The following GRID2 variants were observed in gnomAD, a reference collection of about 807,000 sequenced individuals.
The protein encoded by GRID2 is glutamate ionotropic receptor delta type subunit 2.
GRID2 carries 33 observed loss-of-function variants against 114.8 expected under a neutral mutation model. That is an observed-to-expected ratio of 0.29 (90% CI 0.22 to 0.38). The LOEUF (loss-of-function observed/expected upper bound fraction) is 0.38. Among genes scored for constraint, GRID2 ranks in the 10% least tolerant of loss-of-function variants. GRID2 has a pLI of 1.00. For missense variants in GRID2, 1,184 were observed against 1,257.7 expected, an observed-to-expected ratio of 0.94 and a Z score of 0.89; for synonymous variants, 505 against 449.9, an observed-to-expected ratio of 1.12 and a Z score of -1.55.
chr4:93,626,968 G>A (rs556226274), intron 14 of GRID2, among the ~76,000 whole-genome samples: 1 of 152,244 alleles, frequency 6.6e-6, no homozygotes, highest in South Asian at 2.1e-4. Context: ...TGGAAATCAA[G>A]GAGATAACTT....
intron 14 of GRID2, among the ~76,000 whole-genome samples, chr4:93,668,654 G>T (rs1279231313): frequency 6.6e-6 from 1 of 152,044 alleles, no homozygotes; most frequent in South Asian, 2.1e-4. Flanking sequence ...GCAATTATTA[G>T]GATTTTATTC....
At chr4:92,812,629 T>C (rs1165917936) in intron 2 of GRID2, among the ~76,000 whole-genome samples, 1 of 152,124 alleles carries the variant, frequency 6.6e-6, no homozygotes, top group Non-Finnish European at 1.5e-5. Context: ...ATTTTTGTTT[T>C]CTTATCCAAG....
chr4:93,697,904 A>T (rs1727183808), intron 14 of GRID2, among the ~76,000 whole-genome samples: 1 of 85,196 alleles, frequency 1.2e-5, no homozygotes, highest in African/African-American at 4.1e-5. Context: ...GTTGTACACG[A>T]TACAATTTTG....
chr4:92,581,588 T>C (rs17019627), intron 1 of GRID2, among the ~76,000 whole-genome samples: 57,242 of 151,838 alleles, frequency 0.38, 10,790 homozygotes, highest in Middle Eastern at 0.46. Flanking sequence ...AAGAAAAGGG[T>C]CTTGTGTTAG....
chr4:93,425,899 T>G (rs1768797083), intron 10 of GRID2, among the ~76,000 whole-genome samples: 1 of 152,210 alleles, frequency 6.6e-6, no homozygotes, highest in Admixed American at 6.5e-5. Context: ...TTCTGCCTGC[T>G]TTGGGTTGCT....
chr4:92,463,165 T>C (rs979199332), intron 1 of GRID2, among the ~76,000 whole-genome samples: 4 of 151,914 alleles, frequency 2.6e-5, no homozygotes, highest in African/African-American at 9.7e-5. Flanking sequence ...GTGTAAAATT[T>C]TTATTTAAAA....
intron 2 of GRID2, among the ~76,000 whole-genome samples, chr4:92,778,862 TTAAAGA>T (rs1352828544): frequency 6.6e-6 from 1 of 152,082 alleles, no homozygotes; most frequent in Non-Finnish European, 1.5e-5. Context: ...GGTTCATGCC[TTAAAGA>T]TAATCTATTA....
chr4:93,395,707 TG>T lies in GRID2; in HGVS notation c.1347+1del. ...GTGGTTCTACGTGTAGTAACTGTTCTGGTAAGTATTATCTGAGCCTCGTGGT... is the reference window on the plus strand; with the variant it reads ...GTGGTTCTACGTGTAGTAACTGTTCTGTAAGTATTATCTGAGCCTCGTGGT... ...RGVVLRVVTV[L>X]EEPFVMVSEN... On this transcript the variant is annotated frameshift_variant and splice_region_variant, in exon 9 of 16. Transcript: ENST00000282020. LOFTEE classifies it high-confidence loss of function. The T allele has an allele frequency of 7.2e-7, 1 of 1,380,752 alleles. No homozygotes were observed. 85.5% of individuals were successfully genotyped at this position (1,380,752 alleles called of 1,614,324 possible). A position where few individuals can be genotyped will look rare whatever the true frequency, so the allele number is the denominator to read the frequency against.
intron 2 of GRID2, among the ~76,000 whole-genome samples, chr4:92,631,641 G>C (rs1333040856): frequency 1.3e-5 from 2 of 151,924 alleles, no homozygotes; most frequent in Non-Finnish European, 2.9e-5. Context: ...TTTAAGTAGA[G>C]TTTTTATTTA....
intron 1 of GRID2, among the ~76,000 whole-genome samples, chr4:92,534,711 T>C (rs1725523083): frequency 6.6e-6 from 1 of 152,188 alleles, no homozygotes; most frequent in Admixed American, 6.5e-5. Flanking sequence ...TTAGGAATGC[T>C]GTGGATGGAA....
At chr4:92,636,954 T>C (rs1366223618) in intron 2 of GRID2, among the ~76,000 whole-genome samples, 33 of 152,074 alleles carry the variant, frequency 2.2e-4, no homozygotes, top group Admixed American at 2.2e-3. Flanking sequence ...GATTTCTCAG[T>C]TGTCAAACGT....
At chr4:93,062,052 G>A (rs954476523) in intron 2 of GRID2, among the ~76,000 whole-genome samples, 1 of 152,082 alleles carries the variant, frequency 6.6e-6, no homozygotes, top group Admixed American at 6.6e-5. Flanking sequence ...GATTAAGGTG[G>A]ACATTGACCC....
At chr4:93,473,713 C>CAA (rs1313869965) in intron 11 of GRID2, among the ~76,000 whole-genome samples, 4 of 152,088 alleles carry the variant, frequency 2.6e-5, no homozygotes, top group African/African-American at 9.7e-5. Flanking sequence ...CCATGTAATG[C>CAA]AAGAAGGCTA....
intron 13 of GRID2, among the ~76,000 whole-genome samples, chr4:93,579,836 G>C (rs752999807): frequency 1.3e-5 from 2 of 152,208 alleles, no homozygotes; most frequent in Middle Eastern, 3.4e-3. Context: ...ACTCCCTCTT[G>C]CTTTCGTTTT....
At chr4:92,477,795 C>T (rs543819287) in intron 1 of GRID2, among the ~76,000 whole-genome samples, 1 of 146,652 alleles carries the variant, frequency 6.8e-6, no homozygotes, top group East Asian at 2.0e-4. Flanking sequence ...TATTAATATA[C>T]ATATAATACA....
Position 93,422,756 on chromosome 4 carries a change from C to T in GRID2, c.1348-15C>T. 3.2e-6 allele frequency: 5 copies of T among 1,572,714 alleles called. No individual in the cohort carries two copies. Among genetic ancestry groups the T allele is most frequent in the Non-Finnish European group, 4.4e-6 (5 of 1,143,202 alleles). ...CTATAGATTGACATCAGAAATTTCT[C>T]TTATTTCCATGTAGGAAGAACCTTT... On this transcript the variant is annotated splice_polypyrimidine_tract_variant and intron_variant, in intron 9 of 15. Transcript: ENST00000282020.
chr4:93,637,057 C>G (rs974561742), intron 14 of GRID2, among the ~76,000 whole-genome samples: 3 of 152,108 alleles, frequency 2.0e-5, no homozygotes, highest in African/African-American at 7.2e-5. Context: ...TTAGGAAATA[C>G]TTTCAACAGG....
chr4:93,123,048 G>C (rs1364668600), intron 4 of GRID2, among the ~76,000 whole-genome samples: 1 of 151,836 alleles, frequency 6.6e-6, no homozygotes, highest in South Asian at 2.1e-4. Flanking sequence ...CTTGCAGAAG[G>C]TTTCTCTGAA....
At chr4:92,402,773 C>CT (rs1286548972) in intron 1 of GRID2, among the ~76,000 whole-genome samples, 2 of 152,178 alleles carry the variant, frequency 1.3e-5, no homozygotes, top group Admixed American at 1.3e-4. Context: ...CATTGGCTTC[C>CT]TCTTAAAGTG....
Sources: allele counts gnomAD v4.1 joint callset (sites outside exome capture counted in the v4.1 genomes callset), GRCh38; gene constraint gnomAD v4.1.1; transcripts MANE v1.5; gene names NCBI Gene and HGNC (gene_info 2026-07-23, HGNC 2026-07-21).